Variants in PPP1R14C observed in about 807,000 individuals in gnomAD.
The protein encoded by PPP1R14C is protein phosphatase 1 regulatory subunit 14C.
Under a neutral mutation model 20.4 loss-of-function variants are expected in PPP1R14C, and 16 were observed. The observed-to-expected ratio is 0.78, with a 90% CI of 0.53 to 1.19. The LOEUF (loss-of-function observed/expected upper bound fraction) is 1.19, where lower values mean the gene tolerates loss of function less well. PPP1R14C is among the 50% of genes most tolerant of loss of function. The probability of loss-of-function intolerance (pLI) is 0.00; values close to 1 mark genes in which losing one functional copy is unlikely to be tolerated. For synonymous variants in PPP1R14C, 91 were observed against 91.0 expected (o/e 1.00, Z 0.00); for missense variants, 211 against 220.1 (o/e 0.96, Z 0.26).
At chr6:150,183,278 A>T (rs1375187932) in intron 1 of PPP1R14C, among the ~76,000 whole-genome samples, 1 of 152,090 alleles carries the variant, frequency 6.6e-6, no homozygotes, top group African/African-American at 2.4e-5. Flanking sequence ...CTTTAGTACA[A>T]TCATCCCTGA....
chr6:150,167,967 TTTCTCTCC>T (rs1777444392), intron 1 of PPP1R14C, among the ~76,000 whole-genome samples: 1 of 146,962 alleles, frequency 6.8e-6, no homozygotes. Flanking sequence ...TCCTCCCCTC[TTTCTCTCC>T]TTCTCTCCTC....
chr6:150,143,630 C>T lies in PPP1R14C; in HGVS notation c.306+132C>T, dbSNP rs1582890710. The T allele has an allele frequency of 1.5e-6, 1 of 673,722 alleles. No individual in the cohort carries two copies. Among genetic ancestry groups the T allele is most frequent in the Non-Finnish European group, 2.4e-6 (1 of 414,580 alleles). 41.7% of individuals were successfully genotyped at this position (673,722 alleles called of 1,614,324 possible). A position where few individuals can be genotyped will look rare whatever the true frequency, so the allele number is the denominator to read the frequency against. On this transcript the variant is annotated intron_variant, in intron 1 of 3. Transcript: ENST00000361131. The surrounding 1 kb of genome is among the most constrained non-coding windows in gnomAD (Gnocchi z 5.6). ...CGGGGACCAAGTGCCAGGAGCGAGG[C>T]GCGGCGCCTTCTCTCCCCCGCGGTG... is the stretch of plus-strand genomic sequence containing the variant.
At chr6:150,167,973 T>TCCTTCTTCTTCCCTCTTTCTTC (rs1777446207) in intron 1 of PPP1R14C, among the ~76,000 whole-genome samples, 18 of 28,186 alleles carry the variant, frequency 6.4e-4, no homozygotes, top group East Asian at 1.2e-3. Flanking sequence ...CCTCTTTCTC[T>TCCTTCTTCTTCCCTCTTTCTTC]CCTTCTCTCC....
intron 2 of PPP1R14C, among the ~76,000 whole-genome samples, chr6:150,215,973 TA>T (rs925690410): frequency 1.3e-5 from 2 of 152,064 alleles, no homozygotes; most frequent in African/African-American, 4.8e-5. Context: ...ACAGAGGAGG[TA>T]AAAAGTCATT....
Position 150,216,849 on chromosome 6 carries a change from C to T in PPP1R14C, c.416C>T (p.Pro139Leu). The T allele has an allele frequency of 2.5e-6, 4 of 1,602,142 alleles. No homozygotes were observed. Among genetic ancestry groups the T allele is most frequent in the Non-Finnish European group, 3.4e-6 (4 of 1,173,456 alleles). The stretch of plus-strand genomic sequence containing the variant: ...GAAGCTCTTGTAGACTGCTACAAAC[C>T]AACAGAGGTAAGCAAATCACTTTTC... ...LQEALVDCYK[P>L]TEEFIKELLS... Residue 139 changes from proline (P) to leucine (L), a missense_variant, in exon 3 of 4, where the codon CCA becomes CTA. By Grantham distance (98) the Pro-to-Leu change is moderately conservative (BLOSUM62 -3). Transcript: ENST00000361131.
At position 150,175,879 on chromosome 6, in the gene PPP1R14C, G is replaced by A. The variant is rs191536668; in HGVS notation, c.306+32381G>A. Among the ~76,000 whole-genome samples the A allele has an allele frequency of 1.4e-4, 22 of 152,302 alleles. No individual in the cohort carries two copies. The East Asian group carries it at 1.7e-3, about 12-fold the overall frequency. Reference sequence around the variant, plus strand: ...TTTGAACCACAAGCGCAATCTACCCGTGGTGTTTTATAACACTGTTTGCTT... The same window carrying A: ...TTTGAACCACAAGCGCAATCTACCCATGGTGTTTTATAACACTGTTTGCTT... On this transcript the variant is annotated intron_variant, in intron 1 of 3. Coordinates refer to ENST00000361131, the MANE Select transcript of PPP1R14C (RefSeq NM_030949.3).
chr6:150,223,391 A>G (rs1354235358), intron 3 of PPP1R14C, among the ~76,000 whole-genome samples: 1 of 152,210 alleles, frequency 6.6e-6, no homozygotes, highest in Non-Finnish European at 1.5e-5. Flanking sequence ...GTATTGTAAG[A>G]AAAGTGTGTT....
At chr6:150,174,436 TC>T (rs1777537250) in intron 1 of PPP1R14C, among the ~76,000 whole-genome samples, 1 of 151,752 alleles carries the variant, frequency 6.6e-6, no homozygotes, top group Non-Finnish European at 1.5e-5. Context: ...CAGGATGGTC[TC>T]GATCTCCTGA....
intron 1 of PPP1R14C, among the ~76,000 whole-genome samples, chr6:150,156,008 G>A (rs1371550353): frequency 9.1e-6 from 1 of 109,764 alleles, no homozygotes; most frequent in Non-Finnish European, 1.7e-5. Flanking sequence ...CTGGGTGACA[G>A]AGTGAGACTC....
At chr6:150,168,476 T>C (rs961014168) in intron 1 of PPP1R14C, among the ~76,000 whole-genome samples, 3 of 151,922 alleles carry the variant, frequency 2.0e-5, no homozygotes, top group Admixed American at 6.6e-5. Context: ...GAGCTTGCAG[T>C]GAGCCGAGAT....
At chr6:150,194,963 G>A in intron 1 of PPP1R14C, 2 of 985,324 alleles carry the variant, frequency 2.0e-6, no homozygotes, top group Non-Finnish European at 2.4e-6. Flanking sequence ...ATTGATAAAG[G>A]CAAAAGTTAT....
chr6:150,150,167 A>G (rs1777228868), intron 1 of PPP1R14C, among the ~76,000 whole-genome samples: 2 of 152,236 alleles, frequency 1.3e-5, no homozygotes, highest in East Asian at 1.9e-4. Context: ...TGGCGAGGGC[A>G]AAAGTCAATC....
intron 1 of PPP1R14C, among the ~76,000 whole-genome samples, chr6:150,193,253 AGAAAAAGAGGAG>A (rs902027377): frequency 1.5e-4 from 23 of 152,052 alleles, no homozygotes; most frequent in African/African-American, 5.6e-4. Context: ...CACAGGAAGA[AGAAAAAGAGGAG>A]GAAAAAGAGG....
intron 1 of PPP1R14C, among the ~76,000 whole-genome samples, chr6:150,163,628 T>C (rs1017669160): frequency 6.6e-6 from 1 of 152,144 alleles, no homozygotes; most frequent in African/African-American, 2.4e-5. Flanking sequence ...AAAGCTTTTA[T>C]GTCTGTTTTT....
intron 1 of PPP1R14C, among the ~76,000 whole-genome samples, chr6:150,209,208 C>T (rs113613276): frequency 0.011 from 1,711 of 152,270 alleles, 30 homozygotes; most frequent in African/African-American, 0.039. Context: ...GAGCTGTTAG[C>T]CACAGTCATT....
Position 150,169,924 on chromosome 6 carries a change from T to C in PPP1R14C, c.306+26426T>C, listed in dbSNP as rs980553713. On this transcript the variant is annotated intron_variant, in intron 1 of 3. Transcript: ENST00000361131. ...CTTACTCTGCAAACTGTTGGGGCCA[T>C]GGGCCATTGTGTCAGCTCTTCAGCA... 6.4e-4 allele frequency among the ~76,000 whole-genome samples: 98 copies of C among 152,350 alleles called. 1 individual carries two copies. The highest frequency in any genetic ancestry group is 2.3e-3 in the African/African-American group (96 of 41,596).
chr6:150,212,213 A>G (rs897726517), intron 1 of PPP1R14C, among the ~76,000 whole-genome samples: 5 of 152,264 alleles, frequency 3.3e-5, no homozygotes, highest in African/African-American at 1.2e-4. Context: ...TTTCCAGCAC[A>G]GTAGCCACTT....
At chr6:150,171,010 C>T (rs1777492743) in intron 1 of PPP1R14C, among the ~76,000 whole-genome samples, 1 of 151,950 alleles carries the variant, frequency 6.6e-6, no homozygotes, top group African/African-American at 2.4e-5. Flanking sequence ...TCTGCCCAGT[C>T]CCCCAACACA....
intron 1 of PPP1R14C, among the ~76,000 whole-genome samples, chr6:150,157,431 A>G (rs775994484): frequency 3.2e-4 from 49 of 151,290 alleles, no homozygotes; most frequent in African/African-American, 7.4e-4. Context: ...TTGTCTCATT[A>G]TCTCATTTCA....
Sources: gnomAD v4.1 joint callset for allele counts (sites outside exome capture counted in the v4.1 genomes callset) on GRCh38, gnomAD v4.1.1 for gene constraint, Gnocchi (gnomAD v3.1) non-coding constraint, MANE v1.5 for transcripts, NCBI Gene and HGNC (gene_info 2026-07-23, HGNC 2026-07-21) for gene names.